KCNH7: variants seen among roughly 807,000 people sequenced by gnomAD.
KCNH7 encodes the protein voltage-gated inwardly rectifying potassium channel KCNH7.
KCNH7 carries 49 observed loss-of-function variants against 120.8 expected under a neutral mutation model. That is an observed-to-expected ratio of 0.41 (90% CI 0.32 to 0.51). KCNH7 has a LOEUF of 0.51. KCNH7 is among the 20% of genes least tolerant of loss of function. KCNH7 has a pLI of 0.38. For missense variants in KCNH7, 1,097 were observed against 1,446.6 expected (o/e 0.76, Z 3.92); for synonymous variants, 547 against 516.1 (o/e 1.06, Z -0.81).
Position 162,739,405 on chromosome 2 carries a change from G to GCC in KCNH7, c.307+97130_307+97131dup, listed in dbSNP as rs573768007. Among the ~76,000 whole-genome samples, 75 of 152,176 alleles carry GCC rather than the reference G, an allele frequency of 4.9e-4. 1 individual carries two copies. Among genetic ancestry groups the GCC allele is most frequent in the Non-Finnish European group, 9.1e-4 (62 of 68,008 alleles). On this transcript the variant is annotated intron_variant, in intron 2 of 15. Coordinates refer to ENST00000332142, the MANE Select transcript of KCNH7 (RefSeq NM_033272.4). ...AGATACCTCATCTGACACATTGCCA[G>GCC]CCACCCCACCTGAATGTTCTTTGTT...
chr2:162,428,139 A>G (rs1462646413), intron 8 of KCNH7, among the ~76,000 whole-genome samples: 1 of 151,708 alleles, frequency 6.6e-6, no homozygotes, highest in African/African-American at 2.4e-5. Flanking sequence ...ACTTAAAGCT[A>G]TAGATTTATC....
At chr2:162,580,134 A>G (rs990780001) in intron 2 of KCNH7, among the ~76,000 whole-genome samples, 1 of 152,044 alleles carries the variant, frequency 6.6e-6, no homozygotes, top group Non-Finnish European at 1.5e-5. Context: ...TAAAGGCATC[A>G]TAGCTCACAG....
At chr2:162,390,794 C>T (rs968501005) in intron 12 of KCNH7, among the ~76,000 whole-genome samples, 16 of 151,788 alleles carry the variant, frequency 1.1e-4, no homozygotes, top group African/African-American at 3.4e-4. Context: ...TGGGATTTTT[C>T]CTTAGAAAAA....
chr2:162,614,751 G>T lies in KCNH7; in HGVS notation c.308-77671C>A, dbSNP rs1683084361. Among the ~76,000 whole-genome samples the T allele has an allele frequency of 2.0e-5, 3 of 148,902 alleles. No individual in the cohort carries two copies. In the South Asian group the frequency reaches 6.3e-4, roughly 31 times the overall value. On this transcript the variant is annotated intron_variant, in intron 2 of 15. Transcript: ENST00000332142. ...ATATTTGTAGTGAAGTATAAAACAT[G>T]ACAGGAAGGAAAAGCACAAAATTTA...
chr2:162,473,708 A>G (rs1689642957), intron 6 of KCNH7, among the ~76,000 whole-genome samples: 1 of 152,226 alleles, frequency 6.6e-6, no homozygotes, highest in Admixed American at 6.5e-5. Context: ...AAGAGGTCAT[A>G]TTCTAATAGG....
intron 6 of KCNH7, among the ~76,000 whole-genome samples, chr2:162,481,572 T>G (rs1905962): frequency 1.3e-5 from 2 of 152,130 alleles, no homozygotes; most frequent in African/African-American, 4.8e-5. Flanking sequence ...TTTCCAGACT[T>G]TCCTCATCAG....
chr2:162,722,805 C>CTTTTTTCTTTT (rs1559100199), intron 2 of KCNH7, among the ~76,000 whole-genome samples: 1 of 79,870 alleles, frequency 1.3e-5, no homozygotes, highest in African/African-American at 7.6e-5. Flanking sequence ...TTCATTCATT[C>CTTTTTTCTTTT]TTTTTTTCTT....
chr2:162,665,229 C>A (rs1308894408), intron 2 of KCNH7, among the ~76,000 whole-genome samples: 2 of 152,088 alleles, frequency 1.3e-5, no homozygotes, highest in African/African-American at 4.8e-5. Flanking sequence ...TTCTATCACA[C>A]AAGTCATGTC....
At chr2:162,732,132 C>G (rs1190576453) in intron 2 of KCNH7, among the ~76,000 whole-genome samples, 1 of 151,952 alleles carries the variant, frequency 6.6e-6, no homozygotes, top group Admixed American at 6.6e-5. Context: ...GCAAGATGCA[C>G]TGGCAGTGGG....
chr2:162,694,478 G>A, intron 2 of KCNH7, among the ~76,000 whole-genome samples: 1 of 94,870 alleles, frequency 1.1e-5, no homozygotes, highest in East Asian at 3.5e-4. Context: ...GTGTGAAAGA[G>A]TGTGTGTGTG....
intron 2 of KCNH7, among the ~76,000 whole-genome samples, chr2:162,819,431 C>CA (rs1685026887): frequency 6.6e-6 from 1 of 152,104 alleles, no homozygotes; most frequent in Admixed American, 6.6e-5. Context: ...CACCCTAAAG[C>CA]AAATGAGGCA....
At chr2:162,560,362 C>T (rs543604304) in intron 2 of KCNH7, among the ~76,000 whole-genome samples, 74 of 152,238 alleles carry the variant, frequency 4.9e-4, no homozygotes, top group Admixed American at 2.7e-3. Context: ...ACTGTAACAT[C>T]GGAACAGGAG....
intron 2 of KCNH7, among the ~76,000 whole-genome samples, chr2:162,667,484 T>G (rs187531712): frequency 6.5e-4 from 99 of 152,284 alleles, no homozygotes; most frequent in African/African-American, 2.3e-3. Flanking sequence ...TGCCTTTACC[T>G]CTGACCATAT....
chr2:162,822,537 A>C (rs965087755), intron 2 of KCNH7, among the ~76,000 whole-genome samples: 1 of 152,056 alleles, frequency 6.6e-6, no homozygotes, highest in African/African-American at 2.4e-5. Flanking sequence ...ACATTAGACT[A>C]TGCTCCCTCC....
intron 6 of KCNH7, among the ~76,000 whole-genome samples, chr2:162,449,773 C>A (rs1688704729): frequency 1.3e-5 from 2 of 152,016 alleles, no homozygotes; most frequent in East Asian, 1.9e-4. Context: ...GACTTCTAGA[C>A]CACAGAATTG....
At position 162,732,427 on chromosome 2, in the gene KCNH7, C is replaced by A. The variant is rs144416155; in HGVS notation, c.307+104110G>T. 1.3e-3 allele frequency among the ~76,000 whole-genome samples: 203 copies of A among 152,104 alleles called. 1 individual carries two copies. Among genetic ancestry groups the A allele is most frequent in the Non-Finnish European group, 5.4e-4 (37 of 67,980 alleles). On this transcript the variant is annotated intron_variant, in intron 2 of 15. Coordinates refer to ENST00000332142, the MANE Select transcript of KCNH7 (RefSeq NM_033272.4). Reference sequence around the variant, plus strand: ...ATCTCTTTCTTCAAAAGGTATACTACCTTAGAGTTAGTATATTCATATGGA... The same window carrying A: ...ATCTCTTTCTTCAAAAGGTATACTAACTTAGAGTTAGTATATTCATATGGA...
chr2:162,733,071 C>T (rs565368915), intron 2 of KCNH7, among the ~76,000 whole-genome samples: 26 of 152,092 alleles, frequency 1.7e-4, no homozygotes, highest in Non-Finnish European at 1.2e-4. Context: ...TTATACTACA[C>T]ATGGTATTAG....
At chr2:162,387,675 C>G (rs1438545951) in intron 12 of KCNH7, among the ~76,000 whole-genome samples, 1 of 151,554 alleles carries the variant, frequency 6.6e-6, no homozygotes, top group Non-Finnish European at 1.5e-5. Flanking sequence ...TTTAGGTGGA[C>G]AGTTCGTCTC....
intron 2 of KCNH7, among the ~76,000 whole-genome samples, chr2:162,628,478 G>A (rs542895295): frequency 3.0e-4 from 45 of 152,092 alleles, no homozygotes; most frequent in Admixed American, 6.6e-4. Flanking sequence ...GTACATAAGC[G>A]GGTTTGTTAC....
Sources: gnomAD v4.1 joint callset for allele counts (sites outside exome capture counted in the v4.1 genomes callset) on GRCh38, gnomAD v4.1.1 for gene constraint, MANE v1.5 for transcripts, NCBI Gene and HGNC (gene_info 2026-07-23, HGNC 2026-07-21) for gene names.